KANK1: variants seen among roughly 807,000 people sequenced by gnomAD.
The protein encoded by KANK1 is KN motif and ankyrin repeat domains 1, also known as KN motif and ankyrin repeat domain-containing protein 1.
A neutral mutation model predicts 106.2 loss-of-function variants in KANK1; 109 were observed. The ratio of observed to expected loss-of-function variants is 1.03; its 90% CI spans 0.88 to 1.20. KANK1 has a LOEUF of 1.20. Among genes scored for constraint, KANK1 ranks in the 50% most tolerant of loss-of-function variants. The pLI is 0.00. For synonymous variants in KANK1, 873 were observed against 652.2 expected, an observed-to-expected ratio of 1.34 and a Z score of -5.16; for missense variants, 2,399 against 1,710.7, an observed-to-expected ratio of 1.40 and a Z score of -7.10.
chr9:610,939 A>G (rs145646212), intron 1 of KANK1, among the ~76,000 whole-genome samples: 1 of 152,200 alleles, frequency 6.6e-6, no homozygotes. Context: ...CCGTAGAAGA[A>G]GAATGAAATG....
At chr9:644,887 G>A (rs145579255) in intron 1 of KANK1, among the ~76,000 whole-genome samples, 10,517 of 150,922 alleles carry the variant, frequency 0.07, 847 homozygotes, top group African/African-American at 0.13. Context: ...TCGGGAGGCC[G>A]AGGTGGGCGG....
chr9:516,976 G>C (rs929326993), intron 1 of KANK1, among the ~76,000 whole-genome samples: 2 of 129,836 alleles, frequency 1.5e-5, no homozygotes, highest in Non-Finnish European at 3.1e-5. Context: ...TCTGAGTGTG[G>C]TTTCTATTCT....
At chr9:471,099 C>T (rs567162011) in intron 2 of KANK1, 66 of 152,332 alleles carry the variant, frequency 4.3e-4, no homozygotes, top group African/African-American at 1.5e-3. Context: ...TCTCAGCTAG[C>T]TTATGTAGAA....
At chr9:662,562 T>C (rs2138153778) in intron 1 of KANK1, among the ~76,000 whole-genome samples, 1 of 97,738 alleles carries the variant, frequency 1.0e-5, no homozygotes, top group East Asian at 3.3e-4. Context: ...ACACAAGAAA[T>C]GAAGAAAGCA....
chr9:472,366 C>G (rs992649414), intron 2 of KANK1, among the ~76,000 whole-genome samples: 5 of 152,242 alleles, frequency 3.3e-5, no homozygotes, highest in African/African-American at 1.2e-4. Flanking sequence ...ATTTCCAACC[C>G]TCTGCCATAT....
intron 3 of KANK1, among the ~76,000 whole-genome samples, chr9:729,013 C>T (rs1589245470): frequency 6.6e-6 from 1 of 152,188 alleles, no homozygotes; most frequent in South Asian, 2.1e-4. Context: ...GTCAGGACCT[C>T]GTGAGATTGT....
intron 1 of KANK1, among the ~76,000 whole-genome samples, chr9:534,174 G>C (rs867094327): frequency 2.0e-4 from 31 of 152,174 alleles, no homozygotes; most frequent in Admixed American, 1.4e-3. Flanking sequence ...TAGTTTGTGG[G>C]AGTGTGAAGA....
Position 713,284 on chromosome 9 carries a change from C to T in KANK1, c.2518C>T (p.Leu840=). ...GAAGCTGCTGGCAGAACAGCAGACACTGCTGGCTGAGAACTACAGTGAACT... is the reference window on the plus strand; with the variant it reads ...GAAGCTGCTGGCAGAACAGCAGACATTGCTGGCTGAGAACTACAGTGAACT... ...IQKLLAEQQT[L]LAENYSELAE... The change falls in exon 3 of 12, where the codon CTG becomes TTG. Residue 840 remains leucine, a synonymous_variant. Coordinates refer to ENST00000382297, the MANE Select transcript of KANK1 (RefSeq NM_015158.5). 6.2e-7 allele frequency: 1 copy of T among 1,613,754 alleles called. No individual in the cohort carries two copies. Among genetic ancestry groups the T allele is most frequent in the Admixed American group, 1.7e-5 (1 of 59,976 alleles).
intron 4 of KANK1, 87 bp downstream of exon 4, chr9:730,335 A>C (rs1274859373): frequency 7.7e-7 from 1 of 1,303,854 alleles, no homozygotes; most frequent in South Asian, 1.2e-5. Flanking sequence ...GTACCTTTTA[A>C]ATTGACCTGG....
At chr9:484,083 T>C (rs1014186077) in intron 3 of KANK1, among the ~76,000 whole-genome samples, 3 of 152,192 alleles carry the variant, frequency 2.0e-5, no homozygotes, top group African/African-American at 7.2e-5. Flanking sequence ...CTTTAGAGAT[T>C]CAGGTCAGTG....
At chr9:580,718 C>T (rs1166028570) in intron 1 of KANK1, among the ~76,000 whole-genome samples, 3 of 152,252 alleles carry the variant, frequency 2.0e-5, no homozygotes, top group African/African-American at 4.8e-5. Flanking sequence ...CCTAGTGGAT[C>T]CCGCACTGGG....
chr9:695,425 T>G (rs1476993722), intron 2 of KANK1, among the ~76,000 whole-genome samples: 1 of 151,662 alleles, frequency 6.6e-6, no homozygotes, highest in Admixed American at 6.6e-5. Context: ...GGACTCCCCC[T>G]TATCTAACTG....
rs1836665004 is a variant in KANK1 at position 744,489 on chromosome 9, A to C, written c.3898-2A>C. 1 of 1,611,262 alleles carries C rather than the reference A, an allele frequency of 6.2e-7. No homozygotes were observed. The highest frequency in any genetic ancestry group is 8.5e-7 in the Non-Finnish European group (1 of 1,177,954). ...GGCTTGTTCTTTCCATCTTATCTTAAGGATGGCAGCACTGCGCTCTCAATC... is the reference window on the plus strand; with the variant it reads ...GGCTTGTTCTTTCCATCTTATCTTACGGATGGCAGCACTGCGCTCTCAATC... On this transcript the variant is annotated splice_acceptor_variant, in intron 10 of 11. Transcript: ENST00000382297. LOFTEE classifies it high-confidence loss of function.
chr9:634,884 C>G lies in KANK1; in HGVS notation c.-83-42006C>G, dbSNP rs559602502. On this transcript the variant is annotated intron_variant, in intron 1 of 11. Coordinates refer to ENST00000382297, the MANE Select transcript of KANK1 (RefSeq NM_015158.5). ...TATTGTCACTTCACTCTGCCATCCA[C>G]TATGCACTGGTACATCCTGAGACTT... 1.2e-4 allele frequency among the ~76,000 whole-genome samples: 19 copies of G among 152,338 alleles called. No individual in the cohort carries two copies. In the South Asian group the frequency reaches 3.5e-3, roughly 28 times the overall value.
intron 2 of KANK1, among the ~76,000 whole-genome samples, chr9:681,287 G>C (rs982360368): frequency 2.6e-5 from 4 of 152,150 alleles, no homozygotes; most frequent in East Asian, 1.9e-4. Context: ...TTGTTAAGGA[G>C]GTAAGAGCAT....
upstream of KANK1, among the ~76,000 whole-genome samples, chr9:504,146 C>T (rs972139739): frequency 7.2e-5 from 11 of 152,136 alleles, no homozygotes; most frequent in Admixed American, 1.3e-4. Flanking sequence ...TGGGGGAGGA[C>T]GTCGAGCAGG....
At chr9:642,311 C>T (rs1229333425) in intron 1 of KANK1, among the ~76,000 whole-genome samples, 2 of 150,804 alleles carry the variant, frequency 1.3e-5, no homozygotes, top group South Asian at 2.1e-4. Flanking sequence ...ACAAAGATAG[C>T]GGAAGGGAAT....
At chr9:638,445 C>A (rs899415340) in intron 1 of KANK1, among the ~76,000 whole-genome samples, 2 of 152,140 alleles carry the variant, frequency 1.3e-5, no homozygotes. Context: ...ACTTGTTACC[C>A]TCTGCTATGT....
chr9:579,579 C>A (rs1017876936), intron 1 of KANK1, among the ~76,000 whole-genome samples: 10 of 152,044 alleles, frequency 6.6e-5, no homozygotes, highest in African/African-American at 2.4e-4. Context: ...ATTTTAAAAC[C>A]CTAGGGGAGA....
Sources: allele counts gnomAD v4.1 joint callset (sites outside exome capture counted in the v4.1 genomes callset), GRCh38; gene constraint gnomAD v4.1.1; transcripts MANE v1.5; gene names NCBI Gene and HGNC (gene_info 2026-07-23, HGNC 2026-07-21).